Variants in EDEM3 observed in about 807,000 individuals in gnomAD.
EDEM3 encodes ER degradation-enhancing alpha-mannosidase-like protein 3.
EDEM3 carries 60 observed loss-of-function variants against 110.2 expected under a neutral mutation model. That is an observed-to-expected ratio of 0.54 (90% CI 0.44 to 0.67). The LOEUF is 0.67. Among genes scored for constraint, EDEM3 ranks in the 30% least tolerant of loss-of-function variants. EDEM3 has a pLI of 0.00. For missense variants in EDEM3, 996 were observed against 1,121.0 expected (o/e 0.89, Z 1.59); for synonymous variants, 352 against 382.9 (o/e 0.92, Z 0.94).
At chr1:184,697,924 T>C (rs912271899) in intron 19 of EDEM3, among the ~76,000 whole-genome samples, 1 of 151,674 alleles carries the variant, frequency 6.6e-6, no homozygotes, top group Non-Finnish European at 1.5e-5. Context: ...CCTATATGTG[T>C]GTCTTTTCTA....
At chr1:184,752,369 T>TA (rs1307746940) in intron 1 of EDEM3, among the ~76,000 whole-genome samples, 1 of 152,120 alleles carries the variant, frequency 6.6e-6, no homozygotes, top group East Asian at 1.9e-4. Context: ...ATTTGGGCTT[T>TA]AAAAAATGCA....
chr1:184,742,911 T>A (rs538040528), intron 2 of EDEM3, among the ~76,000 whole-genome samples: 1 of 152,224 alleles, frequency 6.6e-6, no homozygotes, highest in Non-Finnish European at 1.5e-5. Flanking sequence ...GTTAATTAGG[T>A]TGTAAACAGT....
chr1:184,705,871 T>G (rs7512112), intron 18 of EDEM3, among the ~76,000 whole-genome samples: 17,809 of 152,056 alleles, frequency 0.12, 2,319 homozygotes, highest in African/African-American at 0.32. Context: ...TATCATGATA[T>G]AAGTGATTGT....
At chr1:184,749,291 CAAT>C (rs1164094545) in intron 2 of EDEM3, among the ~76,000 whole-genome samples, 3 of 152,060 alleles carry the variant, frequency 2.0e-5, no homozygotes, top group African/African-American at 7.2e-5. Flanking sequence ...ATAAAGCACT[CAAT>C]GATAATTGTT....
intron 13 of EDEM3, among the ~76,000 whole-genome samples, chr1:184,713,393 A>G (rs572516467): frequency 5.3e-5 from 8 of 152,366 alleles, no homozygotes; most frequent in Admixed American, 1.3e-4. Flanking sequence ...CAGTAAAACT[A>G]TATGTGTTTT....
At chr1:184,719,070 C>A in intron 11 of EDEM3, 92 bp downstream of exon 11, 1 of 638,970 alleles carries the variant, frequency 1.6e-6, no homozygotes, top group South Asian at 4.1e-5. Context: ...CATTTTCTAC[C>A]TTTATATTAG....
chr1:184,742,833 A>C (rs905989165), intron 2 of EDEM3, among the ~76,000 whole-genome samples: 2 of 152,260 alleles, frequency 1.3e-5, no homozygotes, highest in Admixed American at 1.3e-4. Context: ...AACACTTAGA[A>C]GAAATACAAA....
Position 184,716,891 on chromosome 1 carries a change from T to TA in EDEM3, c.1366_1367insT (p.Asp456ValfsTer10). The TA allele has an allele frequency of 6.2e-7, 1 of 1,613,178 alleles. No individual in the cohort carries two copies. Among genetic ancestry groups the TA allele is most frequent in the Non-Finnish European group, 8.5e-7 (1 of 1,179,286 alleles). ...AGGATGTTAGCAATTGTTTTACCTG[T>TA]CCTCATGACTTCCAGTACGAACATC... is the stretch of plus-strand genomic sequence containing the variant. On this transcript the variant is annotated frameshift_variant, in exon 13 of 20. Transcript: ENST00000318130. LOFTEE classifies it high-confidence loss of function.
intron 7 of EDEM3, among the ~76,000 whole-genome samples, chr1:184,725,485 A>C (rs1435576878): frequency 6.6e-6 from 1 of 152,106 alleles, no homozygotes; most frequent in Non-Finnish European, 1.5e-5. Flanking sequence ...AAACATGATA[A>C]ATCTGTCCTT....
chr1:184,735,665 G>T (rs1377009052), intron 4 of EDEM3, among the ~76,000 whole-genome samples: 7 of 152,130 alleles, frequency 4.6e-5, no homozygotes, highest in Non-Finnish European at 1.0e-4. Context: ...TTTAGGGTAA[G>T]TCCTGACTAA....
intron 2 of EDEM3, among the ~76,000 whole-genome samples, chr1:184,746,202 A>G (rs1652423769): frequency 6.6e-6 from 1 of 152,362 alleles, no homozygotes; most frequent in Admixed American, 6.5e-5. Context: ...ATTTAAGTCC[A>G]GAGATGGCAG....
chr1:184,748,982 C>G (rs7537286), intron 2 of EDEM3, among the ~76,000 whole-genome samples: 13,995 of 152,214 alleles, frequency 0.092, 1,675 homozygotes, highest in African/African-American at 0.28. Context: ...ATTTCATCTA[C>G]GTTGTTGCAC....
chr1:184,719,116 G>A, intron 11 of EDEM3, 46 bp downstream of exon 11: 1 of 1,080,996 alleles, frequency 9.3e-7, no homozygotes, highest in South Asian at 1.6e-5. Context: ...GTGTGTGTGT[G>A]TGTGTTTGTG....
At position 184,754,298 on chromosome 1, in the gene EDEM3, C is replaced by T. The variant is rs76762276; in HGVS notation, c.158+191G>A. Among the ~76,000 whole-genome samples the T allele has an allele frequency of 2.8e-3, 434 of 152,312 alleles. 5 individuals carry two copies. In the East Asian group the frequency reaches 0.036, roughly 12 times the overall value. ...CGGCCAGGGCGACACCCCGTCAGCT[C>T]CCCCGAGGTCAGGTCGCGGGCGGCG... On this transcript the variant is annotated intron_variant, in intron 1 of 19. Transcript: ENST00000318130.
rs115466243 is a variant in EDEM3 at position 184,754,191 on chromosome 1, G to A, written c.158+298C>T. On this transcript the variant is annotated intron_variant, in intron 1 of 19. Coordinates refer to ENST00000318130, the MANE Select transcript of EDEM3 (RefSeq NM_025191.4). The stretch of plus-strand genomic sequence containing the variant: ...ACTCCAGCGCGCAGCGATGCGGGCT[G>A]TAGCCCCCTTCTTGGGCCACTGACA... Among the ~76,000 whole-genome samples, 272 of 152,236 alleles carry A rather than the reference G, an allele frequency of 1.8e-3. 1 individual carries two copies. Among genetic ancestry groups the A allele is most frequent in the African/African-American group, 5.7e-3 (238 of 41,482 alleles).
At chr1:184,718,874 A>C (rs1405225763) in intron 11 of EDEM3, among the ~76,000 whole-genome samples, 1 of 152,198 alleles carries the variant, frequency 6.6e-6, no homozygotes, top group Non-Finnish European at 1.5e-5. Context: ...GGCATAAGTT[A>C]GGAAGAGTTG....
intron 2 of EDEM3, among the ~76,000 whole-genome samples, chr1:184,744,352 A>G (rs1022241378): frequency 1.3e-5 from 2 of 149,372 alleles, no homozygotes; most frequent in Non-Finnish European, 3.0e-5. Flanking sequence ...GGAAAAATCA[A>G]ATTAAAATCA....
chr1:184,724,641 T>A (rs1308488401), intron 7 of EDEM3, among the ~76,000 whole-genome samples: 3 of 152,178 alleles, frequency 2.0e-5, no homozygotes, highest in Non-Finnish European at 2.9e-5. Flanking sequence ...AACCCATTTG[T>A]CACTTGGCAG....
intron 2 of EDEM3, among the ~76,000 whole-genome samples, chr1:184,744,293 T>TATATAA (rs1652306932): frequency 9.7e-6 from 1 of 103,522 alleles, no homozygotes; most frequent in African/African-American, 3.7e-5. Flanking sequence ...TATATATATA[T>TATATAA]GAATAGCAAA....
Sources: gnomAD v4.1 joint callset for allele counts (sites outside exome capture counted in the v4.1 genomes callset) on GRCh38, gnomAD v4.1.1 for gene constraint, MANE v1.5 for transcripts, NCBI Gene and HGNC (gene_info 2026-07-23, HGNC 2026-07-21) for gene names.